The following ITCH variants were observed in gnomAD, a reference collection of about 807,000 sequenced individuals.
The protein encoded by ITCH is itchy E3 ubiquitin protein ligase, also known as E3 ubiquitin-protein ligase Itchy homolog.
A neutral mutation model predicts 126.8 loss-of-function variants in ITCH; 28 were observed. The ratio of observed to expected loss-of-function variants is 0.22; its 90% CI spans 0.16 to 0.30. The LOEUF is 0.30. ITCH is among the 10% of genes least tolerant of loss of function. The pLI, the probability that ITCH is intolerant of heterozygous loss-of-function variation, is 1.00. For missense variants in ITCH, 631 were observed against 1,032.4 expected (o/e 0.61, Z 5.33); for synonymous variants, 342 against 340.0 (o/e 1.01, Z -0.06).
chr20:34,381,822 C>G (rs530457926), intron 2 of ITCH, among the ~76,000 whole-genome samples: 1 of 150,700 alleles, frequency 6.6e-6, no homozygotes, highest in Non-Finnish European at 1.5e-5. Flanking sequence ...CATGATCACA[C>G]CACTGTACCC....
At chr20:34,482,137 T>TA (rs1988798621) in intron 20 of ITCH, among the ~76,000 whole-genome samples, 1 of 152,212 alleles carries the variant, frequency 6.6e-6, no homozygotes, top group South Asian at 2.1e-4. Flanking sequence ...GATTCTCTCT[T>TA]ACAACACATG....
chr20:34,364,096 G>A (rs2037312781), intron 1 of ITCH, among the ~76,000 whole-genome samples: 1 of 152,186 alleles, frequency 6.6e-6, no homozygotes, highest in South Asian at 2.1e-4. Flanking sequence ...GAGAACTCAA[G>A]TTTTCCAAGA....
At chr20:34,412,763 T>C (rs1039418915) in intron 5 of ITCH, 124 bp downstream of exon 5, 2 of 768,338 alleles carry the variant, frequency 2.6e-6, no homozygotes, top group South Asian at 3.3e-5. Context: ...GGTTATAGGA[T>C]GAACAGATAG....
At chr20:34,417,385 A>C in intron 6 of ITCH, 1 of 222,948 alleles carries the variant, frequency 4.5e-6, no homozygotes, top group Non-Finnish European at 8.5e-6. Flanking sequence ...GGCGTGAGCC[A>C]CTGCGCCCGG....
At chr20:34,492,463 A>C (rs924832919) in intron 22 of ITCH, 38 bp from the exon 23 acceptor site, 1 of 1,170,782 alleles carries the variant, frequency 8.5e-7, no homozygotes, top group East Asian at 2.4e-5. Context: ...TGAATGTAAC[A>C]TATGACATAT....
Position 34,506,433 on chromosome 20 carries a change from G to A in ITCH, c.2490-1262G>A, listed in dbSNP as rs151330360. Among the ~76,000 whole-genome samples, 7 of 152,334 alleles carry A rather than the reference G, an allele frequency of 4.6e-5. No individual in the cohort carries two copies. The East Asian group carries it at 1.3e-3, about 29-fold the overall frequency. ...GTCCCCAACTCCTGGTCCCCAGCCT[G>A]TTAGGAACTGGGCTGCACAGCAGGA... On this transcript the variant is annotated intron_variant, in intron 24 of 24. Coordinates refer to ENST00000374864, the MANE Select transcript of ITCH (RefSeq NM_031483.7).
chr20:34,384,859 TC>T (rs2038214344), intron 2 of ITCH, among the ~76,000 whole-genome samples: 1 of 151,748 alleles, frequency 6.6e-6, no homozygotes, highest in Non-Finnish European at 1.5e-5. Flanking sequence ...AGGCGGGGTT[TC>T]ACCGTGTTAG....
chr20:34,456,076 C>T (rs1023537557), intron 12 of ITCH, among the ~76,000 whole-genome samples: 23 of 144,128 alleles, frequency 1.6e-4, no homozygotes, highest in African/African-American at 5.7e-4. Flanking sequence ...ATATTATATT[C>T]CTTATTTTGT....
intron 2 of ITCH, among the ~76,000 whole-genome samples, chr20:34,374,816 C>T (rs1273761409): frequency 6.6e-6 from 1 of 151,714 alleles, no homozygotes; most frequent in African/African-American, 2.4e-5. Context: ...TCACTGCAAC[C>T]TCAACCTCTG....
At chr20:34,424,564 G>A in intron 7 of ITCH, 39 bp downstream of exon 7, 1 of 1,519,664 alleles carries the variant, frequency 6.6e-7, no homozygotes, top group Non-Finnish European at 9.1e-7. Context: ...AATGCGGAGA[G>A]ATAGATTTCC....
intron 23 of ITCH, among the ~76,000 whole-genome samples, chr20:34,497,845 T>C (rs1021364732): frequency 2.0e-5 from 3 of 152,250 alleles, no homozygotes; most frequent in African/African-American, 7.2e-5. Flanking sequence ...CCCAAAGTGA[T>C]GGGATTACAG....
At chr20:34,432,754 G>A (rs1212272520) in intron 7 of ITCH, among the ~76,000 whole-genome samples, 3 of 151,684 alleles carry the variant, frequency 2.0e-5, no homozygotes, top group Non-Finnish European at 4.4e-5. Flanking sequence ...CCAGGAGTTC[G>A]AGACCAGCCT....
At chr20:34,427,578 A>G (rs1474918816) in intron 7 of ITCH, among the ~76,000 whole-genome samples, 1 of 152,186 alleles carries the variant, frequency 6.6e-6, no homozygotes, top group Admixed American at 6.6e-5. Context: ...GTGCCACTGT[A>G]CTCAGAGTGA....
intron 14 of ITCH, among the ~76,000 whole-genome samples, chr20:34,465,037 A>G (rs1241352622): frequency 6.6e-5 from 10 of 152,106 alleles, no homozygotes; most frequent in Admixed American, 6.6e-4. Context: ...TAGCTCTTAC[A>G]TTTAGATCTT....
chr20:34,405,141 CAAAAAAAAAA>C (rs1170286039), intron 3 of ITCH, among the ~76,000 whole-genome samples: 8 of 58,218 alleles, frequency 1.4e-4, no homozygotes, highest in South Asian at 8.4e-4. Context: ...GACCCTGTCT[CAAAAAAAAAA>C]AAAAAAAAAA....
chr20:34,413,993 T>G (rs577398340), intron 6 of ITCH, 114 bp downstream of exon 6: 130 of 927,916 alleles, frequency 1.4e-4, no homozygotes, highest in Non-Finnish European at 1.9e-4. Context: ...AAATGTTTTT[T>G]TCTGGCCGGT....
chr20:34,507,268 T>TG (rs1990681480), intron 24 of ITCH, among the ~76,000 whole-genome samples: 1 of 68,020 alleles, frequency 1.5e-5, no homozygotes, highest in African/African-American at 4.6e-5. Flanking sequence ...CTTCTGTTTT[T>TG]TTTTTTTTTT....
chr20:34,426,826 G>T (rs554730174), intron 7 of ITCH, among the ~76,000 whole-genome samples: 90 of 151,920 alleles, frequency 5.9e-4, no homozygotes, highest in African/African-American at 2.0e-3. Flanking sequence ...CCAGGCTGGA[G>T]TGCAGTGACA....
intron 16 of ITCH, among the ~76,000 whole-genome samples, chr20:34,472,275 G>A (rs931088193): frequency 1.3e-5 from 2 of 150,954 alleles, no homozygotes; most frequent in East Asian, 3.9e-4. Context: ...AGCTACTCAG[G>A]AGAGTCACCT....
Sources: allele counts gnomAD v4.1 joint callset (sites outside exome capture counted in the v4.1 genomes callset), GRCh38; gene constraint gnomAD v4.1.1; transcripts MANE v1.5; gene names NCBI Gene and HGNC (gene_info 2026-07-23, HGNC 2026-07-21).